The following TMEM74 variants were observed in gnomAD, a reference collection of about 807,000 sequenced individuals.
The protein encoded by TMEM74 is transmembrane protein 74.
Under a neutral mutation model 18.1 loss-of-function variants are expected in TMEM74, and 13 were observed. That is an observed-to-expected ratio of 0.72 (90% confidence interval 0.47 to 1.14). The LOEUF (loss-of-function observed/expected upper bound fraction) is 1.14, where lower values mean the gene tolerates loss of function less well. TMEM74 is among the 50% of genes most tolerant of loss of function. The pLI, the probability that TMEM74 is intolerant of heterozygous loss-of-function variation, is 0.00. For synonymous variants in TMEM74, 159 were observed against 146.6 expected (o/e 1.08, Z -0.61); for missense variants, 372 against 375.9 (o/e 0.99, Z 0.09).
chr8:108,659,964 C>T (rs1197201695), intron 1 of TMEM74, among the ~76,000 whole-genome samples: 1 of 152,152 alleles, frequency 6.6e-6, no homozygotes, highest in Non-Finnish European at 1.5e-5. Flanking sequence ...CTACCCAGAG[C>T]TCCTGAGACA....
At chr8:108,667,367 G>T (rs913176177) in intron 1 of TMEM74, among the ~76,000 whole-genome samples, 3 of 152,264 alleles carry the variant, frequency 2.0e-5, no homozygotes, top group East Asian at 1.9e-4. Context: ...ATATGATAAT[G>T]CATGTGAATT....
At chr8:108,756,651 AG>A in intron 1 of TMEM74, among the ~76,000 whole-genome samples, 1 of 6,536 alleles carries the variant, frequency 1.5e-4, no homozygotes, top group African/African-American at 4.3e-4. Flanking sequence ...AGAAAGAAAG[AG>A]AAAGAAAGAA....
intron 1 of TMEM74, among the ~76,000 whole-genome samples, chr8:108,769,536 T>C (rs2130670101): frequency 6.6e-6 from 1 of 152,258 alleles, no homozygotes; most frequent in South Asian, 2.1e-4. Flanking sequence ...TTATTTCTCA[T>C]ATAGAGTAGT....
chr8:108,657,862 ATAT>A (rs1563742266), intron 1 of TMEM74, among the ~76,000 whole-genome samples: 108 of 48,422 alleles, frequency 2.2e-3, no homozygotes, highest in Non-Finnish European at 2.6e-3. Flanking sequence ...AAAAAAAAAT[ATAT>A]ATATATATAT....
At chr8:108,673,232 C>T (rs1329743774) in intron 1 of TMEM74, among the ~76,000 whole-genome samples, 22 of 152,198 alleles carry the variant, frequency 1.4e-4, no homozygotes, top group Admixed American at 1.3e-3. Flanking sequence ...TCCTCACACA[C>T]AGATCATGGA....
intron 1 of TMEM74, among the ~76,000 whole-genome samples, chr8:108,657,033 A>G (rs1812827228): frequency 6.6e-6 from 1 of 152,152 alleles, no homozygotes; most frequent in Non-Finnish European, 1.5e-5. Flanking sequence ...CTATTATGTA[A>G]TAGTCATAAA....
chr8:108,658,304 G>A (rs1356039972), intron 1 of TMEM74, among the ~76,000 whole-genome samples: 1 of 151,772 alleles, frequency 6.6e-6, no homozygotes, highest in African/African-American at 2.4e-5. Context: ...GTAGGAATGG[G>A]GTACCTAAAA....
At chr8:108,708,821 A>AAAAAAAAAAAAAC in intron 1 of TMEM74, among the ~76,000 whole-genome samples, 1 of 150,292 alleles carries the variant, frequency 6.7e-6, no homozygotes, top group African/African-American at 2.4e-5. Context: ...AAAAAAAAAA[A>AAAAAAAAAAAAAC]AAAAAAAAAA....
chr8:108,716,839 A>C lies in TMEM74; in HGVS notation n.120-61402T>G, dbSNP rs1813527814. Among the ~76,000 whole-genome samples, 2 of 151,892 alleles carry C rather than the reference A, an allele frequency of 1.3e-5. 1 individual carries two copies. The highest frequency in any genetic ancestry group is 4.1e-4 in the South Asian group (2 of 4,828). On this transcript the variant is annotated intron_variant and non_coding_transcript_variant, in intron 1 of 3. Coordinates refer to the TMEM74 transcript ENST00000518838. ...TATTCAATAAAAAATGGAACATAAAAGTTTATAAAATTAATAATCAGAATA... is the reference window on the plus strand; with the variant it reads ...TATTCAATAAAAAATGGAACATAAACGTTTATAAAATTAATAATCAGAATA...
chr8:108,764,137 C>A (rs1814075611), intron 1 of TMEM74, among the ~76,000 whole-genome samples: 1 of 152,070 alleles, frequency 6.6e-6, no homozygotes, highest in Non-Finnish European at 1.5e-5. Context: ...TCTCTTATCT[C>A]CACAACACAA....
intron 1 of TMEM74, among the ~76,000 whole-genome samples, chr8:108,765,179 T>C (rs934341773): frequency 2.0e-5 from 3 of 152,170 alleles, no homozygotes; most frequent in African/African-American, 7.2e-5. Flanking sequence ...TGGCACTGAG[T>C]TCCAGGTTTG....
intron 2 of TMEM74, among the ~76,000 whole-genome samples, chr8:108,645,299 A>G (rs1367675536): frequency 6.6e-6 from 1 of 152,112 alleles, no homozygotes; most frequent in Non-Finnish European, 1.5e-5. Flanking sequence ...GGAGCTAAGC[A>G]TTGGGTACAC....
At chr8:108,746,162 C>T (rs776194877) in intron 1 of TMEM74, among the ~76,000 whole-genome samples, 30 of 152,116 alleles carry the variant, frequency 2.0e-4, no homozygotes, top group Non-Finnish European at 3.2e-4. Flanking sequence ...TTCCTGCTTG[C>T]CATGTCTGCA....
chr8:108,716,053 G>C (rs1271537313), intron 1 of TMEM74, among the ~76,000 whole-genome samples: 1 of 151,894 alleles, frequency 6.6e-6, no homozygotes, highest in South Asian at 2.1e-4. Flanking sequence ...AAATAAAAAA[G>C]CAGGTAATAT....
At chr8:108,712,376 TATCA>T (rs1813483070) in intron 1 of TMEM74, among the ~76,000 whole-genome samples, 1 of 152,184 alleles carries the variant, frequency 6.6e-6, no homozygotes, top group Non-Finnish European at 1.5e-5. Context: ...TCTCATTCCT[TATCA>T]AAATGTCAGT....
At chr8:108,630,519 A>C (rs759927930) in intron 2 of TMEM74, among the ~76,000 whole-genome samples, 2 of 152,050 alleles carry the variant, frequency 1.3e-5, no homozygotes, top group Non-Finnish European at 2.9e-5. Flanking sequence ...AAATCAACAG[A>C]ATATACATTC....
At chr8:108,761,105 T>C (rs969083980) in intron 1 of TMEM74, among the ~76,000 whole-genome samples, 1 of 152,074 alleles carries the variant, frequency 6.6e-6, no homozygotes, top group Non-Finnish European at 1.5e-5. Context: ...CGTTCATCAA[T>C]TCGTTCCTCC....
intron 1 of TMEM74, among the ~76,000 whole-genome samples, chr8:108,716,359 G>A (rs959276413): frequency 4.6e-5 from 7 of 151,836 alleles, no homozygotes; most frequent in African/African-American, 7.2e-5. Flanking sequence ...AATAATTAAC[G>A]AATTCAAAAA....
intron 2 of TMEM74, among the ~76,000 whole-genome samples, chr8:108,638,578 A>T (rs139379117): frequency 2.1e-3 from 323 of 152,046 alleles, no homozygotes; most frequent in Non-Finnish European, 3.8e-3. Context: ...AAAAAAAAAA[A>T]AAGTTTATCG....
Sources: allele counts gnomAD v4.1 joint callset (sites outside exome capture counted in the v4.1 genomes callset), GRCh38; gene constraint gnomAD v4.1.1; transcripts MANE v1.5; gene names NCBI Gene and HGNC (gene_info 2026-07-23, HGNC 2026-07-21).